Variants in BCAT1 observed in about 807,000 individuals in gnomAD.
The protein encoded by BCAT1 is branched chain amino acid transaminase 1.
Under a neutral mutation model 52.4 loss-of-function variants are expected in BCAT1, and 48 were observed. The observed-to-expected ratio is 0.92, with a 90% CI of 0.73 to 1.16. The LOEUF (loss-of-function observed/expected upper bound fraction) is 1.16. BCAT1 is among the 50% of genes most tolerant of loss of function. The probability of loss-of-function intolerance (pLI) is 0.00; values close to 1 mark genes in which losing one functional copy is unlikely to be tolerated. For synonymous variants in BCAT1, 167 were observed against 161.3 expected (o/e 1.04, Z -0.27); for missense variants, 451 against 457.1 (o/e 0.99, Z 0.12).
chr12:24,883,507 G>A (rs966903513), intron 3 of BCAT1, among the ~76,000 whole-genome samples: 5 of 152,006 alleles, frequency 3.3e-5, no homozygotes, highest in Non-Finnish European at 7.4e-5. Flanking sequence ...AGGCTGAGTT[G>A]GGAGGATGGC....
At chr12:24,833,996 T>G in intron 8 of BCAT1, 2 of 253,166 alleles carry the variant, frequency 7.9e-6, no homozygotes, top group Non-Finnish European at 1.2e-5. Context: ...AGGTTTTATA[T>G]TTTATATTTT....
chr12:24,942,067 A>T (rs1270744344), intron 1 of BCAT1, among the ~76,000 whole-genome samples: 1 of 152,224 alleles, frequency 6.6e-6, no homozygotes, highest in Non-Finnish European at 1.5e-5. Context: ...GTGGAATGAC[A>T]TCGAACAGCA....
chr12:24,822,150 G>A (rs938215675), intron 10 of BCAT1, among the ~76,000 whole-genome samples: 1 of 152,152 alleles, frequency 6.6e-6, no homozygotes, highest in African/African-American at 2.4e-5. Flanking sequence ...AAACACAGAC[G>A]TGCTTTTCTT....
At chr12:24,888,606 C>T (rs75072110) in intron 3 of BCAT1, among the ~76,000 whole-genome samples, 12,375 of 152,240 alleles carry the variant, frequency 0.081, 716 homozygotes, top group Non-Finnish European at 0.12. Context: ...ATAGTAGCCA[C>T]TCAACATTTA....
chr12:24,873,408 G>T (rs1942238360), intron 5 of BCAT1, among the ~76,000 whole-genome samples: 1 of 152,150 alleles, frequency 6.6e-6, no homozygotes, highest in Non-Finnish European at 1.5e-5. Flanking sequence ...TTTTGGTAAT[G>T]TGAATGATTT....
chr12:24,844,438 A>T (rs1007157315), intron 6 of BCAT1, among the ~76,000 whole-genome samples: 2 of 152,090 alleles, frequency 1.3e-5, no homozygotes, highest in East Asian at 3.9e-4. Flanking sequence ...TCTCAAAAAA[A>T]TAAATAAATA....
chr12:24,810,872 G>A lies in BCAT1; in HGVS notation c.*7136C>T, dbSNP rs1686711527. 2.0e-5 allele frequency: 3 copies of A among 152,140 alleles called. No homozygotes were observed. The South Asian group carries it at 6.2e-4, about 32-fold the overall frequency. The allele number at this position is 152,140 out of a possible 1,614,324, so 9.4% of individuals were successfully genotyped here. ...CTTTGTTCTCCCTTGGTGCTTTTGAGGACAATTTCTGCAAGGCCTGGTTTG... is the reference window on the plus strand; with the variant it reads ...CTTTGTTCTCCCTTGGTGCTTTTGAAGACAATTTCTGCAAGGCCTGGTTTG... On this transcript the variant is annotated 3_prime_UTR_variant, in exon 11 of 11. Transcript: ENST00000261192.
chr12:24,888,727 T>C (rs971609417), intron 3 of BCAT1, among the ~76,000 whole-genome samples: 1 of 152,150 alleles, frequency 6.6e-6, no homozygotes, highest in African/African-American at 2.4e-5. Flanking sequence ...GACACTATAA[T>C]AATGATACAG....
At chr12:24,857,984 A>T (rs1269341612) in intron 5 of BCAT1, among the ~76,000 whole-genome samples, 1 of 152,032 alleles carries the variant, frequency 6.6e-6, no homozygotes. Context: ...ACCTTCCAAA[A>T]CTCCCAGAGG....
chr12:24,812,383 G>T lies in BCAT1; in HGVS notation c.*5625C>A, dbSNP rs1330353164. On this transcript the variant is annotated 3_prime_UTR_variant, in exon 11 of 11. Transcript: ENST00000261192. Reference sequence around the variant, plus strand: ...TTTATTTGGCCTCAAGAAGCTTCATGGATCTTAGAATAAAATGGTTGAAGA... The same window carrying T: ...TTTATTTGGCCTCAAGAAGCTTCATTGATCTTAGAATAAAATGGTTGAAGA... 1 of 151,890 alleles carries T rather than the reference G, an allele frequency of 6.6e-6. No homozygotes were observed. Among genetic ancestry groups the T allele is most frequent in the East Asian group, 1.9e-4 (1 of 5,190 alleles). The allele number at this position is 151,890 out of a possible 1,614,324, so 9.4% of individuals were successfully genotyped here. A position where few individuals can be genotyped will look rare whatever the true frequency, so the allele number is the denominator to read the frequency against.
At chr12:24,821,034 C>A (rs562150526) in intron 10 of BCAT1, among the ~76,000 whole-genome samples, 1 of 152,202 alleles carries the variant, frequency 6.6e-6, no homozygotes, top group African/African-American at 2.4e-5. Context: ...ACAGAAGGGG[C>A]TGGGAAGCTG....
chr12:24,869,446 CA>C (rs1276702557), intron 5 of BCAT1, among the ~76,000 whole-genome samples: 1 of 152,134 alleles, frequency 6.6e-6, no homozygotes, highest in African/African-American at 2.4e-5. Flanking sequence ...CCTTTTTTCC[CA>C]ATAAGTTCCA....
At chr12:24,881,516 C>A in intron 3 of BCAT1, 105 bp from the exon 4 acceptor site, 1 of 688,372 alleles carries the variant, frequency 1.5e-6, no homozygotes. Flanking sequence ...TCCCATAAAG[C>A]TGTTGACATT....
At chr12:24,848,356 T>C (rs1941405697) in intron 6 of BCAT1, among the ~76,000 whole-genome samples, 2 of 152,236 alleles carry the variant, frequency 1.3e-5, no homozygotes, top group East Asian at 3.8e-4. Flanking sequence ...GTCCACAGTT[T>C]ACATTAGGGT....
intron 5 of BCAT1, among the ~76,000 whole-genome samples, chr12:24,875,541 G>T (rs1373534599): frequency 1.3e-5 from 2 of 152,172 alleles, no homozygotes; most frequent in South Asian, 2.1e-4. Context: ...TCCAAAGTGT[G>T]ATCAAGTACA....
intron 1 of BCAT1, among the ~76,000 whole-genome samples, chr12:24,940,198 G>C (rs1943827642): frequency 6.6e-6 from 1 of 152,152 alleles, no homozygotes; most frequent in Admixed American, 6.5e-5. Context: ...ATGTGTACAA[G>C]TTAATATAAG....
intron 1 of BCAT1, among the ~76,000 whole-genome samples, chr12:24,927,866 C>A (rs1048531798): frequency 2.6e-5 from 4 of 152,220 alleles, no homozygotes; most frequent in Admixed American, 2.6e-4. Flanking sequence ...CTGCCCTTCA[C>A]ACCCACTTTC....
At chr12:24,844,511 G>A (rs536911398) in intron 6 of BCAT1, among the ~76,000 whole-genome samples, 2 of 152,266 alleles carry the variant, frequency 1.3e-5, no homozygotes, top group African/African-American at 4.8e-5. Context: ...ACTAATAGCT[G>A]AAATATTCCA....
chr12:24,834,404 G>GA (rs1940831543), intron 8 of BCAT1: 2 of 985,178 alleles, frequency 2.0e-6, no homozygotes, highest in Non-Finnish European at 1.2e-6. Context: ...TAGGAAATGG[G>GA]AAAAAGATCC....
Sources: gnomAD v4.1 joint callset for allele counts (sites outside exome capture counted in the v4.1 genomes callset) on GRCh38, gnomAD v4.1.1 for gene constraint, MANE v1.5 for transcripts, NCBI Gene and HGNC (gene_info 2026-07-23, HGNC 2026-07-21) for gene names.